The following COL21A1 variants were observed in gnomAD, a reference collection of about 807,000 sequenced individuals.
The protein encoded by COL21A1 is collagen type XXI alpha 1 chain.
In COL21A1, 149 loss-of-function variants were observed where a neutral mutation model predicts 137.9. The observed-to-expected ratio is 1.08, with a 90% CI of 0.95 to 1.24. The LOEUF (loss-of-function observed/expected upper bound fraction) is 1.24. Among genes scored for constraint, COL21A1 ranks in the 50% most tolerant of loss-of-function variants. The pLI is 0.00. For missense variants in COL21A1, 1,167 were observed against 1,158.4 expected, an observed-to-expected ratio of 1.01 and a Z score of -0.11; for synonymous variants, 456 against 391.5, an observed-to-expected ratio of 1.16 and a Z score of -1.95.
chr6:56,202,841 A>T (rs569158115), intron 1 of COL21A1, among the ~76,000 whole-genome samples: 2 of 152,326 alleles, frequency 1.3e-5, no homozygotes, highest in East Asian at 3.9e-4. Flanking sequence ...TATTCAAGCA[A>T]CAAAAGAATA....
chr6:56,072,718 G>A (rs1396140740), intron 20 of COL21A1, among the ~76,000 whole-genome samples: 1 of 151,472 alleles, frequency 6.6e-6, no homozygotes, highest in Non-Finnish European at 1.5e-5. Context: ...TTACAACAGA[G>A]ACTTGTATGG....
intron 1 of COL21A1, among the ~76,000 whole-genome samples, chr6:56,336,362 C>A (rs913098366): frequency 4.6e-5 from 7 of 151,968 alleles, no homozygotes; most frequent in Admixed American, 4.6e-4. Context: ...GTAACTTAAC[C>A]GAAGATATGG....
chr6:56,281,104 A>G (rs1562038065), intron 1 of COL21A1, among the ~76,000 whole-genome samples: 2 of 152,324 alleles, frequency 1.3e-5, no homozygotes, highest in East Asian at 3.9e-4. Flanking sequence ...CTCACAGCTC[A>G]ACATCTCAAA....
At chr6:56,297,165 C>T (rs1226674514) in intron 1 of COL21A1, among the ~76,000 whole-genome samples, 1 of 151,984 alleles carries the variant, frequency 6.6e-6, no homozygotes, top group Non-Finnish European at 1.5e-5. Flanking sequence ...AAAATGACAA[C>T]ATATTTCAAT....
chr6:56,223,489 G>A (rs1362517943), intron 1 of COL21A1, among the ~76,000 whole-genome samples: 1 of 151,978 alleles, frequency 6.6e-6, no homozygotes, highest in Middle Eastern at 3.4e-3. Flanking sequence ...TAAAAATTTA[G>A]GTACTAGGTT....
In COL21A1 at chr6:56,056,750, A is replaced by T. The variant is rs1476526000; in HGVS notation, c.*907T>A. 1 of 152,202 alleles carries T rather than the reference A, an allele frequency of 6.6e-6. No homozygotes were observed. The highest frequency in any genetic ancestry group is 2.4e-5 in the African/African-American group (1 of 41,452). 9.4% of individuals were successfully genotyped at this position (152,202 alleles called of 1,614,324 possible). On this transcript the variant is annotated 3_prime_UTR_variant, in exon 30 of 30. Transcript: ENST00000244728. ...ATTTTACAGTCAGCTAAAAATAACA[A>T]GACATTCTAGGATTTCAGGAGTTTT...
At chr6:56,271,868 A>G (rs1763534240) in intron 1 of COL21A1, among the ~76,000 whole-genome samples, 1 of 152,196 alleles carries the variant, frequency 6.6e-6, no homozygotes, top group Non-Finnish European at 1.5e-5. Flanking sequence ...GGTGGCTTCC[A>G]TGTGGTGTTG....
intron 1 of COL21A1, among the ~76,000 whole-genome samples, chr6:56,263,154 A>T (rs1486882101): frequency 4.6e-5 from 7 of 152,248 alleles, no homozygotes; most frequent in Admixed American, 3.9e-4. Context: ...TCACAAATAC[A>T]GAGTCTAACG....
At chr6:56,103,410 T>C (rs1418883448) in intron 16 of COL21A1, among the ~76,000 whole-genome samples, 2 of 152,204 alleles carry the variant, frequency 1.3e-5, no homozygotes, top group African/African-American at 4.8e-5. Flanking sequence ...GTAAGGCACT[T>C]GCCAAATAGT....
At chr6:56,157,027 A>C in intron 9 of COL21A1, 78 bp from the exon 10 acceptor site, 1 of 949,414 alleles carries the variant, frequency 1.1e-6, no homozygotes, top group African/African-American at 1.7e-5. Context: ...AAAAGTTCAA[A>C]ACCAATTCCA....
chr6:56,232,376 A>T (rs1273787485), intron 1 of COL21A1, among the ~76,000 whole-genome samples: 1 of 151,960 alleles, frequency 6.6e-6, no homozygotes, highest in African/African-American at 2.4e-5. Flanking sequence ...GACAAAGTGA[A>T]TTACAAACAT....
chr6:56,188,100 C>T (rs994600584), intron 1 of COL21A1, among the ~76,000 whole-genome samples: 2 of 152,152 alleles, frequency 1.3e-5, no homozygotes, highest in African/African-American at 2.4e-5. Flanking sequence ...TATGATTTCA[C>T]ACCTACAAAA....
At chr6:56,126,186 C>G (rs2152214456) in intron 12 of COL21A1, 37 bp from the exon 13 acceptor site, 1 of 1,363,548 alleles carries the variant, frequency 7.3e-7, no homozygotes, top group Admixed American at 2.0e-5. Context: ...AAAGAAAAAC[C>G]ATTCCAGCCT....
intron 10 of COL21A1, among the ~76,000 whole-genome samples, chr6:56,149,860 A>T (rs144454676): frequency 1.1e-3 from 161 of 152,252 alleles, no homozygotes; most frequent in African/African-American, 3.7e-3. Flanking sequence ...GTTTGCGCTC[A>T]TCTTCCTAAA....
intron 10 of COL21A1, among the ~76,000 whole-genome samples, chr6:56,149,025 A>G (rs766138938): frequency 5.9e-5 from 9 of 152,238 alleles, no homozygotes; most frequent in Non-Finnish European, 1.3e-4. Flanking sequence ...AAATTGCATC[A>G]GCCTTTTAGG....
intron 16 of COL21A1, among the ~76,000 whole-genome samples, chr6:56,114,187 G>T (rs1454437169): frequency 6.6e-6 from 1 of 152,166 alleles, no homozygotes; most frequent in Non-Finnish European, 1.5e-5. Flanking sequence ...GCCACCTGCT[G>T]ATTGTAGGGT....
chr6:56,223,283 C>T (rs532558206), intron 1 of COL21A1, among the ~76,000 whole-genome samples: 2 of 152,058 alleles, frequency 1.3e-5, no homozygotes, highest in Middle Eastern at 6.8e-3. Flanking sequence ...TTATTTTTGT[C>T]TTCCCACTGA....
intron 12 of COL21A1, chr6:56,126,687 A>G (rs1195930472): frequency 6.6e-6 from 1 of 152,332 alleles, no homozygotes; most frequent in Admixed American, 6.5e-5. Context: ...AAGAAAAGTC[A>G]TAACAACTTG....
At chr6:56,130,430 T>C (rs1582438785) in intron 12 of COL21A1, among the ~76,000 whole-genome samples, 3 of 151,746 alleles carry the variant, frequency 2.0e-5, no homozygotes, top group African/African-American at 4.8e-5. Context: ...GACTAAGATA[T>C]ACTATTAATA....
Sources: allele counts gnomAD v4.1 joint callset (sites outside exome capture counted in the v4.1 genomes callset), GRCh38; gene constraint gnomAD v4.1.1; transcripts MANE v1.5; gene names NCBI Gene and HGNC (gene_info 2026-07-23, HGNC 2026-07-21).